PEX13: variants seen among roughly 807,000 people sequenced by gnomAD.
PEX13 encodes peroxisomal biogenesis factor 13.
A neutral mutation model predicts 34.5 loss-of-function variants in PEX13; 28 were observed. The ratio of observed to expected loss-of-function variants is 0.81; its 90% CI spans 0.60 to 1.11. The LOEUF is 1.11. PEX13 is among the 50% of genes most tolerant of loss of function. The pLI is 0.00. For missense variants in PEX13, 550 were observed against 491.0 expected, an observed-to-expected ratio of 1.12 and a Z score of -1.13; for synonymous variants, 177 against 175.1, an observed-to-expected ratio of 1.01 and a Z score of -0.09.
At chr2:61,026,493 G>A (rs962883997) in intron 1 of PEX13, among the ~76,000 whole-genome samples, 1 of 151,622 alleles carries the variant, frequency 6.6e-6, no homozygotes, top group South Asian at 2.1e-4. Flanking sequence ...GATTACAGGC[G>A]CCCACCACCA....
intron 2 of PEX13, among the ~76,000 whole-genome samples, chr2:61,032,610 TCCAGAGAACTCACTTA>T (rs765790503): frequency 6.6e-6 from 1 of 152,180 alleles, no homozygotes; most frequent in Non-Finnish European, 1.5e-5. Context: ...AAAACTGAGA[TCCAGAGAACTCACTTA>T]CCTAGGGTCA....
At position 61,049,874 on chromosome 2, in the gene PEX13, A is replaced by G. The variant is rs1680767007; in HGVS notation, c.*1104A>G. 1 of 152,238 alleles carries G rather than the reference A, an allele frequency of 6.6e-6. No homozygotes were observed. 9.4% of individuals were successfully genotyped at this position (152,238 alleles called of 1,614,324 possible). A position where few individuals can be genotyped will look rare whatever the true frequency, so the allele number is the denominator to read the frequency against. On this transcript the variant is annotated 3_prime_UTR_variant, in exon 4 of 4. Transcript: ENST00000295030. The stretch of plus-strand genomic sequence containing the variant: ...TATACTTTCTTTTCCTACAACAAAT[A>G]CTTGAGTTCTTTTGAGTTTGCACTT...
chr2:61,026,537 A>G (rs1349183808), intron 1 of PEX13, among the ~76,000 whole-genome samples: 2 of 151,476 alleles, frequency 1.3e-5, no homozygotes, highest in Non-Finnish European at 2.9e-5. Context: ...TAGTAGAGAC[A>G]GTATTTCACC....
intron 1 of PEX13, among the ~76,000 whole-genome samples, chr2:61,021,632 A>T (rs778644780): frequency 2.2e-4 from 33 of 152,256 alleles, no homozygotes; most frequent in Non-Finnish European, 4.7e-4. Flanking sequence ...CTGTGGACTT[A>T]AACGTCCCTG....
At chr2:61,020,853 C>G (rs1680245140) in intron 1 of PEX13, among the ~76,000 whole-genome samples, 1 of 152,082 alleles carries the variant, frequency 6.6e-6, no homozygotes, top group South Asian at 2.1e-4. Flanking sequence ...TGGGGTTTCA[C>G]TATGTTGGCC....
intron 1 of PEX13, among the ~76,000 whole-genome samples, chr2:61,019,417 A>G (rs949783511): frequency 5.3e-5 from 8 of 151,814 alleles, no homozygotes; most frequent in Non-Finnish European, 8.8e-5. Flanking sequence ...TTTTGTACAG[A>G]TGTTTTTGAT....
chr2:61,046,840 G>T (rs1680710562), intron 3 of PEX13, among the ~76,000 whole-genome samples: 1 of 152,112 alleles, frequency 6.6e-6, no homozygotes, highest in African/African-American at 2.4e-5. Context: ...TTGCAGGGAA[G>T]AAATACTTTC....
At chr2:61,019,192 T>C (rs765918941) in intron 1 of PEX13, 1 of 152,144 alleles carries the variant, frequency 6.6e-6, no homozygotes, top group East Asian at 1.9e-4. Context: ...AACTTAACAA[T>C]GTAACAATAA....
Position 61,045,706 on chromosome 2 carries a change from A to T in PEX13, c.788-20A>T, listed in dbSNP as rs1470818643. 2 of 1,609,190 alleles carry T rather than the reference A, an allele frequency of 1.2e-6. No individual in the cohort carries two copies. The highest frequency in any genetic ancestry group is 2.2e-5 in the South Asian group (2 of 90,928). On this transcript the variant is annotated intron_variant, in intron 2 of 3. Coordinates refer to ENST00000295030, the MANE Select transcript of PEX13 (RefSeq NM_002618.4). ...TTTCTTTTGTAAATTTTATTAACCT[A>T]ATTTTAATTTGGCTTATAGACAGCA... is the stretch of plus-strand genomic sequence containing the variant.
chr2:61,031,427 A>G lies in PEX13; in HGVS notation c.101A>G (p.Asp34Gly). 6.2e-7 allele frequency: 1 copy of G among 1,613,730 alleles called. No individual in the cohort carries two copies. The highest frequency in any genetic ancestry group is 8.5e-7 in the Non-Finnish European group (1 of 1,179,690). The change falls in exon 2 of 4, where the codon GAT becomes GGT. Residue 34 changes from aspartate (D) to glycine (G), a missense_variant. Coordinates refer to ENST00000295030, the MANE Select transcript of PEX13 (RefSeq NM_002618.4). The stretch of plus-strand genomic sequence containing the variant: ...ATCTTTTTTGGTTTTAGATCTGCTG[A>G]TTTGGGTCCTACTTTAATGACAAGA... ...PGPGPTFQSA[D>G]LGPTLMTRPG...
chr2:61,023,806 T>C (rs1415718743), intron 1 of PEX13, among the ~76,000 whole-genome samples: 2 of 151,748 alleles, frequency 1.3e-5, no homozygotes, highest in Non-Finnish European at 2.9e-5. Flanking sequence ...TTTGTTTGTT[T>C]GTTTGTTTTG....
chr2:61,029,264 A>T (rs764316805), intron 1 of PEX13, among the ~76,000 whole-genome samples: 4 of 152,222 alleles, frequency 2.6e-5, no homozygotes, highest in Non-Finnish European at 5.9e-5. Context: ...TTAGCCGTCA[A>T]GAAAATGCAA....
chr2:61,031,836 A>G lies in PEX13; in HGVS notation c.510A>G (p.Arg170=). 1 of 1,613,600 alleles carries G rather than the reference A, an allele frequency of 6.2e-7. No individual in the cohort carries two copies. The highest frequency in any genetic ancestry group is 8.5e-7 in the Non-Finnish European group (1 of 1,179,490). The change falls in exon 2 of 4, where the codon CGA becomes CGG. Residue 170 remains arginine (R), a synonymous_variant. Transcript: ENST00000295030. Reference sequence around the variant, plus strand: ...TGGATGTAGCAAATCACTTTTCCCGATTGAAAATACACTTTACAAAAGTGT... The same window carrying G: ...TGGATGTAGCAAATCACTTTTCCCGGTTGAAAATACACTTTACAAAAGTGT... ...AVLDVANHFS[R]LKIHFTKVFS...
chr2:61,032,076 T>C lies in PEX13; in HGVS notation c.750T>C (p.Ile250=), dbSNP rs765039738. 12 of 1,613,600 alleles carry C rather than the reference T, an allele frequency of 7.4e-6. No homozygotes were observed. Among genetic ancestry groups the C allele is most frequent in the African/African-American group, 5.3e-5 (4 of 74,884 alleles). ...TTATCCTTGGTGGTCCTTACCTCAT[T>C]TGGAAACTATTGTCTACTCACAGTG... ...FAVILGGPYL[I]WKLLSTHSDE... is the part of the protein sequence containing the mutation. Residue 250 remains isoleucine (I), a synonymous_variant, in exon 2 of 4, where the codon ATT becomes ATC. Transcript: ENST00000295030.
chr2:61,020,861 G>T (rs1680245323), intron 1 of PEX13, among the ~76,000 whole-genome samples: 1 of 152,016 alleles, frequency 6.6e-6, no homozygotes, highest in Admixed American at 6.6e-5. Context: ...CACTATGTTG[G>T]CCAGGCTGGT....
intron 1 of PEX13, among the ~76,000 whole-genome samples, chr2:61,025,514 A>G (rs1334025217): frequency 6.6e-6 from 1 of 151,982 alleles, no homozygotes; most frequent in Non-Finnish European, 1.5e-5. Context: ...ATTCGCCACC[A>G]CACCTGGCTA....
At chr2:61,026,128 T>G (rs1473749869) in intron 1 of PEX13, among the ~76,000 whole-genome samples, 1 of 152,100 alleles carries the variant, frequency 6.6e-6, no homozygotes, top group Admixed American at 6.5e-5. Flanking sequence ...AATTCTTCGG[T>G]GCCTCGTTCT....
chr2:61,035,927 G>T (rs1680527265), intron 2 of PEX13, among the ~76,000 whole-genome samples: 1 of 150,848 alleles, frequency 6.6e-6, no homozygotes, highest in Admixed American at 6.6e-5. Context: ...AGGTTGCAGG[G>T]AGCCAAGATC....
intron 1 of PEX13, among the ~76,000 whole-genome samples, chr2:61,024,559 C>T (rs1680319483): frequency 6.6e-6 from 1 of 152,132 alleles, no homozygotes. Context: ...CCTGTAATCC[C>T]AGCACTTTGG....
Sources: gnomAD v4.1 joint callset for allele counts (sites outside exome capture counted in the v4.1 genomes callset) on GRCh38, gnomAD v4.1.1 for gene constraint, MANE v1.5 for transcripts, NCBI Gene and HGNC (gene_info 2026-07-23, HGNC 2026-07-21) for gene names.